TRIB2: variants seen among roughly 807,000 people sequenced by gnomAD.
The protein encoded by TRIB2 is tribbles pseudokinase 2, also known as tribbles homolog 2.
TRIB2 carries 2 observed loss-of-function variants against 26.8 expected under a neutral mutation model. The observed-to-expected ratio is 0.07, with a 90% CI of 0.03 to 0.24. The LOEUF is 0.24. TRIB2 is among the 10% of genes least tolerant of loss of function. The pLI, the probability that TRIB2 is intolerant of heterozygous loss-of-function variation, is 1.00. For synonymous variants in TRIB2, 189 were observed against 187.3 expected (o/e 1.01, Z -0.08); for missense variants, 306 against 449.0 (o/e 0.68, Z 2.88).
chr2:12,736,241 G>A (rs1264340251), intron 2 of TRIB2, among the ~76,000 whole-genome samples: 1 of 152,150 alleles, frequency 6.6e-6, no homozygotes, highest in African/African-American at 2.4e-5. Context: ...AGCACAATCC[G>A]GGTGGGGAGA....
chr2:12,737,072 G>A (rs971566368), intron 2 of TRIB2, among the ~76,000 whole-genome samples: 4 of 152,144 alleles, frequency 2.6e-5, no homozygotes, highest in Admixed American at 2.6e-4. Context: ...GAGAGAGGGA[G>A]TGTGGCCCAA....
At chr2:12,739,664 G>T (rs1036241326) in intron 2 of TRIB2, among the ~76,000 whole-genome samples, 2 of 152,204 alleles carry the variant, frequency 1.3e-5, no homozygotes, top group Non-Finnish European at 2.9e-5. Flanking sequence ...ACCTGGTATA[G>T]CAGAAAGAGC....
intron 2 of TRIB2, among the ~76,000 whole-genome samples, chr2:12,739,065 G>A (rs957089326): frequency 3.9e-5 from 6 of 152,046 alleles, no homozygotes; most frequent in Non-Finnish European, 5.9e-5. Context: ...GTTTGAAAAG[G>A]ATCTTGGGCT....
chr2:12,740,860 C>T lies in TRIB2; in HGVS notation c.*66C>T, dbSNP rs566393452. On this transcript the variant is annotated 3_prime_UTR_variant, in exon 3 of 3. Transcript: ENST00000155926. The surrounding 1 kb of genome is among the most constrained non-coding windows in gnomAD (Gnocchi z 5.8). ...CGAGGGCAGCGGAAAGGAGTTCTTCCGGGGGACACGAATTGCCTGGCTGAG... is the reference window on the plus strand; with the variant it reads ...CGAGGGCAGCGGAAAGGAGTTCTTCTGGGGGACACGAATTGCCTGGCTGAG... The T allele has an allele frequency of 3.7e-5, 53 of 1,430,692 alleles. No individual in the cohort carries two copies. Among genetic ancestry groups the T allele is most frequent in the South Asian group, 9.1e-5 (7 of 76,540 alleles). The allele number at this position is 1,430,692 out of a possible 1,614,324, so 88.6% of individuals were successfully genotyped here. A position where few individuals can be genotyped will look rare whatever the true frequency, so the allele number is the denominator to read the frequency against.
chr2:12,739,774 A>C (rs1661671626), intron 2 of TRIB2, among the ~76,000 whole-genome samples: 1 of 152,198 alleles, frequency 6.6e-6, no homozygotes, highest in Non-Finnish European at 1.5e-5. Flanking sequence ...CGATATTCTC[A>C]TCTGTAAAAT....
At chr2:12,739,417 G>A (rs1558320954) in intron 2 of TRIB2, among the ~76,000 whole-genome samples, 1 of 152,160 alleles carries the variant, frequency 6.6e-6, no homozygotes, top group Non-Finnish European at 1.5e-5. Flanking sequence ...GCACCACCAC[G>A]CTCTGCTAAT....
intron 1 of TRIB2, among the ~76,000 whole-genome samples, chr2:12,721,460 G>GT (rs559472884): frequency 1.2e-4 from 18 of 152,174 alleles, no homozygotes; most frequent in Non-Finnish European, 2.4e-4. Flanking sequence ...CAGTGTTTAC[G>GT]TTAGCCACTG....
chr2:12,735,331 C>T (rs1661544850), intron 2 of TRIB2, among the ~76,000 whole-genome samples: 1 of 152,126 alleles, frequency 6.6e-6, no homozygotes, highest in South Asian at 2.1e-4. Context: ...CAGATTCTCC[C>T]CTAGAGAAAG....
At position 12,718,410 on chromosome 2, in the gene TRIB2, C is replaced by A; in HGVS notation, c.103C>A (p.Pro35Thr). ...GTTGTCGTCTATAAGGTCCGCGGAG[C>A]CCAGCCAGAGTTTCAGCCCGAACCT... ...EELSSIRSAE[P>T]SQSFSPNLGS... The change falls in exon 1 of 3, where the codon CCC becomes ACC. Residue 35 changes from proline (P) to threonine (T), a missense_variant. By Grantham distance (38) the Pro-to-Thr change is conservative. Coordinates refer to ENST00000155926, the MANE Select transcript of TRIB2 (RefSeq NM_021643.4). The surrounding 1 kb of genome is among the most constrained non-coding windows in gnomAD (Gnocchi z 4.0). The A allele has an allele frequency of 6.2e-7, 1 of 1,614,250 alleles. No individual in the cohort carries two copies. The highest frequency in any genetic ancestry group is 8.5e-7 in the Non-Finnish European group (1 of 1,180,046).
chr2:12,736,827 C>T (rs961193444), intron 2 of TRIB2, among the ~76,000 whole-genome samples: 2 of 152,206 alleles, frequency 1.3e-5, no homozygotes, highest in Non-Finnish European at 2.9e-5. Context: ...CATAGTAAAT[C>T]ATGAAATGTA....
chr2:12,727,198 A>G (rs1284628820), intron 2 of TRIB2, among the ~76,000 whole-genome samples: 4 of 152,232 alleles, frequency 2.6e-5, no homozygotes. Context: ...TCCTCAAAGC[A>G]GAAATAATAA....
At chr2:12,731,887 G>A (rs576515395) in intron 2 of TRIB2, among the ~76,000 whole-genome samples, 1 of 152,314 alleles carries the variant, frequency 6.6e-6, no homozygotes, top group Non-Finnish European at 1.5e-5. Context: ...CAACACCATC[G>A]CTGGGTGCCC....
chr2:12,735,018 C>A lies in TRIB2; in HGVS notation c.564-5308C>A, dbSNP rs116097592. ...AGAGGAGGGAGCCAAGGCCCAAAGA[C>A]CTTCAGCAGCCTCCCTGCAGTTACA... On this transcript the variant is annotated intron_variant, in intron 2 of 2. Transcript: ENST00000155926. Among the ~76,000 whole-genome samples, 684 of 152,330 alleles carry A rather than the reference C, an allele frequency of 4.5e-3. 5 individuals carry two copies. Among genetic ancestry groups the A allele is most frequent in the African/African-American group, 0.015 (629 of 41,560 alleles).
chr2:12,738,269 A>C (rs1483709769), intron 2 of TRIB2, among the ~76,000 whole-genome samples: 2 of 152,198 alleles, frequency 1.3e-5, no homozygotes, highest in Non-Finnish European at 2.9e-5. Flanking sequence ...CAGGAGATGG[A>C]CTTGAGTCAC....
intron 2 of TRIB2, among the ~76,000 whole-genome samples, chr2:12,739,821 T>C (rs1661673609): frequency 6.6e-6 from 1 of 152,196 alleles, no homozygotes. Flanking sequence ...TACAAAGGGC[T>C]GTAGTGAGGC....
chr2:12,730,756 C>T (rs1010381385), intron 2 of TRIB2, among the ~76,000 whole-genome samples: 8 of 152,126 alleles, frequency 5.3e-5, no homozygotes, highest in African/African-American at 9.7e-5. Flanking sequence ...TGTCCCGTGG[C>T]GTGAATATCA....
At position 12,740,848 on chromosome 2, in the gene TRIB2, AAGG is replaced by A. The variant is rs1174025420; in HGVS notation, c.*57_*59del. On this transcript the variant is annotated 3_prime_UTR_variant, in exon 3 of 3. Coordinates refer to ENST00000155926, the MANE Select transcript of TRIB2 (RefSeq NM_021643.4). This position sits in a 1 kb window ranked among gnomAD's most constrained non-coding sequence, Gnocchi z 5.8. ...TCCAGGAGTGAGCGAGGGCAGCGGA[AAGG>A]AGTTCTTCCGGGGGACACGAATTGC... is the stretch of plus-strand genomic sequence containing the variant. 1 of 1,514,284 alleles carries A rather than the reference AAGG, an allele frequency of 6.6e-7. No individual in the cohort carries two copies. The highest frequency in any genetic ancestry group is 2.3e-5 in the East Asian group (1 of 44,226). The allele number at this position is 1,514,284 out of a possible 1,614,324, so 93.8% of individuals were successfully genotyped here.
At chr2:12,725,230 C>T (rs1661312447) in intron 2 of TRIB2, among the ~76,000 whole-genome samples, 1 of 152,252 alleles carries the variant, frequency 6.6e-6, no homozygotes, top group Non-Finnish European at 1.5e-5. Flanking sequence ...TAGGGAGGAA[C>T]TCTCGGGCAC....
chr2:12,726,737 C>T (rs1200345356), intron 2 of TRIB2, among the ~76,000 whole-genome samples: 1 of 152,232 alleles, frequency 6.6e-6, no homozygotes, highest in Non-Finnish European at 1.5e-5. Flanking sequence ...CATCACACAC[C>T]TCTTTTGCGC....
Sources: gnomAD v4.1 joint callset for allele counts (sites outside exome capture counted in the v4.1 genomes callset) on GRCh38, gnomAD v4.1.1 for gene constraint, Gnocchi (gnomAD v3.1) non-coding constraint, MANE v1.5 for transcripts, NCBI Gene and HGNC (gene_info 2026-07-23, HGNC 2026-07-21) for gene names.